Variants in LRRC3C observed in about 807,000 individuals in gnomAD.
LRRC3C encodes the protein leucine-rich repeat-containing protein 3C.
LRRC3C carries 11 observed loss-of-function variants against 14.8 expected under a neutral mutation model. That is an observed-to-expected ratio of 0.74 (90% confidence interval 0.47 to 1.23). The LOEUF is 1.23. LRRC3C is among the 50% of genes most tolerant of loss of function. The probability of loss-of-function intolerance (pLI) is 0.00; values close to 1 mark genes in which losing one functional copy is unlikely to be tolerated. For missense variants in LRRC3C, 354 were observed against 361.8 expected (o/e 0.98, Z 0.18); for synonymous variants, 149 against 161.5 (o/e 0.92, Z 0.59).
intron 1 of LRRC3C, among the ~76,000 whole-genome samples, chr17:39,932,665 G>A (rs527851668): frequency 1.3e-5 from 2 of 151,502 alleles, no homozygotes; most frequent in East Asian, 1.9e-4. Flanking sequence ...CGAGGCTGCA[G>A]TGAGTTATGA....
At chr17:39,933,447 G>A (rs1978705061) in intron 1 of LRRC3C, among the ~76,000 whole-genome samples, 1 of 152,094 alleles carries the variant, frequency 6.6e-6, no homozygotes, top group Non-Finnish European at 1.5e-5. Context: ...AAGAAACAGT[G>A]CCTCGAGCTG....
chr17:39,940,723 A>G (rs1369504445), intron 2 of LRRC3C, among the ~76,000 whole-genome samples: 1 of 151,938 alleles, frequency 6.6e-6, no homozygotes, highest in Non-Finnish European at 1.5e-5. Context: ...GATTATAGGC[A>G]TGAGCCACTG....
intron 1 of LRRC3C, among the ~76,000 whole-genome samples, chr17:39,933,394 G>A (rs543162752): frequency 2.0e-5 from 3 of 152,076 alleles, no homozygotes; most frequent in African/African-American, 7.2e-5. Flanking sequence ...ACATGTTCCT[G>A]GGATGCTGCT....
Position 39,927,756 on chromosome 17 carries a change from G to A in LRRC3C, c.-233G>A. The stretch of plus-strand genomic sequence containing the variant: ...TGGGCTCCGTTCCCGGCCTCTTCGG[G>A]GACGCACGGTTGGAAGTTGTACCGT... On this transcript the variant is annotated 5_prime_UTR_variant, in exon 1 of 4. Coordinates refer to ENST00000377924, the MANE Select transcript of LRRC3C (RefSeq NM_001195545.2). 1.0e-6 allele frequency: 1 copy of A among 985,514 alleles called. No individual in the cohort carries two copies. The highest frequency in any genetic ancestry group is 1.2e-6 in the Non-Finnish European group (1 of 829,984). 61.0% of individuals were successfully genotyped at this position (985,514 alleles called of 1,614,324 possible).
chr17:39,944,028 C>T lies in LRRC3C; in HGVS notation c.122C>T (p.Thr41Ile), dbSNP rs1300576816. Residue 41 changes from threonine (T) to isoleucine (I), a missense_variant, in exon 4 of 4, where the codon ACT (threonine) becomes ATT (isoleucine). By Grantham distance (89) the Thr-to-Ile change is moderately conservative. Transcript: ENST00000377924. ...PLLLVIGTGG[T>I]VPSPQVPPRG... ...CTGCTGGTGATAGGCACAGGGGGTA[C>T]TGTGCCCAGCCCCCAGGTGCCTCCC... 1.3e-6 allele frequency: 2 copies of T among 1,535,982 alleles called. No individual in the cohort carries two copies. Among genetic ancestry groups the T allele is most frequent in the Non-Finnish European group, 1.7e-6 (2 of 1,146,880 alleles).
At position 39,944,666 on chromosome 17, in the gene LRRC3C, T is replaced by A; in HGVS notation, c.760T>A (p.Ser254Thr). 6.5e-7 allele frequency: 1 copy of A among 1,535,684 alleles called. No individual in the cohort carries two copies. Among genetic ancestry groups the A allele is most frequent in the African/African-American group, 1.4e-5 (1 of 72,984 alleles). ...GCAGAACCGAGATGAGACCAGGCGCTCCCTCAAGCGGGCCCCAGTGCTGCC... is the reference window on the plus strand; with the variant it reads ...GCAGAACCGAGATGAGACCAGGCGCACCCTCAAGCGGGCCCCAGTGCTGCC... The part of the protein sequence containing the change: ...VWQNRDETRR[S>T]LKRAPVLPVR... Residue 254 changes from serine (S) to threonine (T), a missense_variant, in exon 4 of 4, where the codon TCC becomes ACC. Ser to Thr is a moderately conservative substitution (Grantham distance 58). Transcript: ENST00000377924.
rs1568120948 is a variant in LRRC3C, at chr17:39,944,668, C to A, written c.762C>A (p.Ser254=). 1.1e-5 allele frequency: 17 copies of A among 1,536,018 alleles called. No homozygotes were observed. Among genetic ancestry groups the A allele is most frequent in the Non-Finnish European group, 1.5e-5 (17 of 1,146,900 alleles). ...AGAACCGAGATGAGACCAGGCGCTC[C>A]CTCAAGCGGGCCCCAGTGCTGCCCG... The part of the protein sequence containing the change: ...VWQNRDETRR[S]LKRAPVLPVR... Residue 254 remains serine, a synonymous_variant, in exon 4 of 4, where the codon TCC becomes TCA. Transcript: ENST00000377924.
intron 1 of LRRC3C, chr17:39,934,635 T>TATTGTAACG (rs1978747957): frequency 6.6e-6 from 1 of 152,176 alleles, no homozygotes; most frequent in African/African-American, 2.4e-5. Flanking sequence ...AAATGTTAAC[T>TATTGTAACG]GAACTATGTA....
At position 39,928,798 on chromosome 17, in the gene LRRC3C, A is replaced by G. The variant is rs1228570655; in HGVS notation, c.-175+984A>G. On this transcript the variant is annotated intron_variant, in intron 1 of 3. Transcript: ENST00000377924. ...AACTGCGGAGCACTTTACTCGGACTACACCTACCTTTCCTTCCCCAGGGGG... is the reference window on the plus strand; with the variant it reads ...AACTGCGGAGCACTTTACTCGGACTGCACCTACCTTTCCTTCCCCAGGGGG... 3.9e-5 allele frequency among the ~76,000 whole-genome samples: 6 copies of G among 152,220 alleles called. No individual in the cohort carries two copies. The East Asian group carries it at 1.2e-3, about 29-fold the overall frequency.
At chr17:39,933,763 C>G (rs1010098057) in intron 1 of LRRC3C, among the ~76,000 whole-genome samples, 1 of 152,140 alleles carries the variant, frequency 6.6e-6, no homozygotes, top group East Asian at 1.9e-4. Flanking sequence ...AGAAACAGAG[C>G]CCCTTCCCCT....
chr17:39,944,408 C>T lies in LRRC3C; in HGVS notation c.502C>T (p.Leu168Phe), dbSNP rs1164371041. ...SANPWHCDCALQEVLRQVRLV... is the reference protein window; with the variant it reads ...SANPWHCDCAFQEVLRQVRLV... ...AAACCCATGGCACTGTGACTGCGCCCTCCAGGAAGTGCTCCGGCAGGTGAG... is the reference window on the plus strand; with the variant it reads ...AAACCCATGGCACTGTGACTGCGCCTTCCAGGAAGTGCTCCGGCAGGTGAG... Residue 168 changes from leucine to phenylalanine, a missense_variant, in exon 4 of 4, where the codon CTC becomes TTC. By Grantham distance (22) the Leu-to-Phe change is conservative (BLOSUM62 0). Coordinates refer to ENST00000377924, the MANE Select transcript of LRRC3C (RefSeq NM_001195545.2). 65 of 1,503,596 alleles carry T rather than the reference C, an allele frequency of 4.3e-5. No individual in the cohort carries two copies. Among genetic ancestry groups the T allele is most frequent in the Non-Finnish European group, 5.3e-5 (60 of 1,129,744 alleles). The allele number at this position is 1,503,596 out of a possible 1,614,324, so 93.1% of individuals were successfully genotyped here.
chr17:39,930,732 G>A (rs28820390), intron 1 of LRRC3C, among the ~76,000 whole-genome samples: 3,709 of 102,722 alleles, frequency 0.036, 168 homozygotes, highest in African/African-American at 0.12. Context: ...AAAAAAAAAA[G>A]ATTTTATTAA....
intron 1 of LRRC3C, among the ~76,000 whole-genome samples, chr17:39,934,021 T>C (rs1978730042): frequency 6.6e-6 from 1 of 152,218 alleles, no homozygotes; most frequent in Non-Finnish European, 1.5e-5. Context: ...TCCTGAGAAC[T>C]ACTGAGCCAG....
chr17:39,932,577 C>T (rs2144759439), intron 1 of LRRC3C, among the ~76,000 whole-genome samples: 2 of 135,186 alleles, frequency 1.5e-5, no homozygotes, highest in South Asian at 4.9e-4. Flanking sequence ...AATAAATTAG[C>T]CGGGCATGGT....
At position 39,943,893 on chromosome 17, in the gene LRRC3C, CTT is replaced by C; in HGVS notation, c.27-39_27-38del. ...AGCTGGCAGTGGGGCATGCGATTCT[CTT>C]GACTCACTCCTCCTTTATGTGGCCT... On this transcript the variant is annotated intron_variant, in intron 3 of 3. Coordinates refer to ENST00000377924, the MANE Select transcript of LRRC3C (RefSeq NM_001195545.2). 2.6e-6 allele frequency: 4 copies of C among 1,529,956 alleles called. No individual in the cohort carries two copies. In the South Asian group the frequency reaches 3.6e-5, roughly 14 times the overall value. 94.8% of individuals were successfully genotyped at this position (1,529,956 alleles called of 1,614,324 possible). A position where few individuals can be genotyped will look rare whatever the true frequency, so the allele number is the denominator to read the frequency against.
intron 1 of LRRC3C, among the ~76,000 whole-genome samples, chr17:39,933,824 C>T (rs1207702164): frequency 3.3e-5 from 5 of 152,230 alleles, no homozygotes; most frequent in African/African-American, 7.2e-5. Context: ...CCTCCCCCAC[C>T]TGCTTCCTGA....
At chr17:39,938,481 A>C (rs1261180882) in intron 2 of LRRC3C, among the ~76,000 whole-genome samples, 1 of 149,372 alleles carries the variant, frequency 6.7e-6, no homozygotes, top group African/African-American at 2.5e-5. Flanking sequence ...CCAAGGCAGG[A>C]GCCTTAGGAG....
At chr17:39,933,088 A>G (rs1978696527) in intron 1 of LRRC3C, among the ~76,000 whole-genome samples, 1 of 151,920 alleles carries the variant, frequency 6.6e-6, no homozygotes. Flanking sequence ...AGGAAGAAAG[A>G]CAACAACAAA....
intron 1 of LRRC3C, among the ~76,000 whole-genome samples, chr17:39,931,369 C>T (rs962737086): frequency 1.9e-4 from 27 of 144,394 alleles, no homozygotes; most frequent in African/African-American, 6.4e-4. Flanking sequence ...TTACTTGAAA[C>T]TGGGAGGCAG....
Sources: gnomAD v4.1 joint callset for allele counts (sites outside exome capture counted in the v4.1 genomes callset) on GRCh38, gnomAD v4.1.1 for gene constraint, MANE v1.5 for transcripts, NCBI Gene and HGNC (gene_info 2026-07-23, HGNC 2026-07-21) for gene names.